Variants in SAMSN1 observed in about 807,000 individuals in gnomAD.
SAMSN1 encodes the protein SAM domain, SH3 domain and nuclear localization signals 1, also known as SAM domain-containing protein SAMSN-1.
Under a neutral mutation model 42.0 loss-of-function variants are expected in SAMSN1, and 31 were observed. The ratio of observed to expected loss-of-function variants is 0.74; its 90% CI spans 0.55 to 1.00. The LOEUF (loss-of-function observed/expected upper bound fraction) is 1.00, where lower values mean the gene tolerates loss of function less well. Among genes scored for constraint, SAMSN1 ranks in the 50% least tolerant of loss-of-function variants. The probability of loss-of-function intolerance (pLI) is 0.00; values close to 1 mark genes in which losing one functional copy is unlikely to be tolerated. For missense variants in SAMSN1, 464 were observed against 439.4 expected (o/e 1.06, Z -0.50); for synonymous variants, 178 against 151.9 (o/e 1.17, Z -1.26).
chr21:14,555,133 C>T (rs1166091337), intron 2 of SAMSN1, among the ~76,000 whole-genome samples: 1 of 152,188 alleles, frequency 6.6e-6, no homozygotes, highest in African/African-American at 2.4e-5. Context: ...TCCTTGCTGC[C>T]TTCAAAGGCT....
chr21:14,587,088 G>C (rs73348050), upstream of SAMSN1, among the ~76,000 whole-genome samples: 21,663 of 152,088 alleles, frequency 0.14, 2,052 homozygotes, highest in African/African-American at 0.27. Flanking sequence ...TTACAGTTTT[G>C]TTCTTCTCTC....
chr21:14,620,646 A>G (rs373566598), intron 2 of SAMSN1, among the ~76,000 whole-genome samples: 1 of 152,172 alleles, frequency 6.6e-6, no homozygotes, highest in Non-Finnish European at 1.5e-5. Context: ...CTTTCTTTCA[A>G]TTATCTATCA....
chr21:14,527,213 A>C (rs1341707131), intron 1 of SAMSN1, among the ~76,000 whole-genome samples: 1 of 152,232 alleles, frequency 6.6e-6, no homozygotes, highest in Admixed American at 6.5e-5. Flanking sequence ...ATATTCTACT[A>C]TAATAAAAGC....
chr21:14,550,336 C>T (rs563917870), upstream of SAMSN1, among the ~76,000 whole-genome samples: 74 of 152,224 alleles, frequency 4.9e-4, 1 homozygote, highest in South Asian at 6.2e-4. Flanking sequence ...GAAATCCCTT[C>T]TAATGTGTTA....
chr21:14,509,897 T>C (rs899212788), intron 5 of SAMSN1, among the ~76,000 whole-genome samples: 1 of 152,046 alleles, frequency 6.6e-6, no homozygotes, highest in Non-Finnish European at 1.5e-5. Flanking sequence ...CCCAGCACTT[T>C]GGGAGGCCGA....
intron 1 of SAMSN1, among the ~76,000 whole-genome samples, chr21:14,529,118 C>T (rs575687693): frequency 6.6e-6 from 1 of 152,330 alleles, no homozygotes; most frequent in Admixed American, 6.5e-5. Context: ...TTGCTGGCCA[C>T]TGTGGACGAA....
chr21:14,549,763 A>G (rs1451521394), upstream of SAMSN1, among the ~76,000 whole-genome samples: 1 of 152,134 alleles, frequency 6.6e-6, no homozygotes, highest in Non-Finnish European at 1.5e-5. Flanking sequence ...AAAGGAGTCA[A>G]TCATAAAAGT....
At chr21:14,521,900 T>TA (rs35197722) in intron 1 of SAMSN1, among the ~76,000 whole-genome samples, 41,619 of 145,812 alleles carry the variant, frequency 0.29, 6,284 homozygotes, top group Non-Finnish European at 0.35. Flanking sequence ...CAAGTTTGTT[T>TA]AAAAAAAAAA....
chr21:14,597,049 T>C (rs181471770), intron 6 of SAMSN1, among the ~76,000 whole-genome samples: 1 of 152,332 alleles, frequency 6.6e-6, no homozygotes, highest in Admixed American at 6.5e-5. Flanking sequence ...AATATCATTA[T>C]TTTGTCATAA....
chr21:14,525,109 T>A (rs995762945), intron 1 of SAMSN1, among the ~76,000 whole-genome samples: 3 of 152,208 alleles, frequency 2.0e-5, no homozygotes, highest in African/African-American at 7.2e-5. Context: ...TTAAAAATGA[T>A]GAAATAATAA....
rs1292660147 is a variant in SAMSN1 at position 14,500,621 on chromosome 21, C to T, written c.676G>A (p.Glu226Lys). ...FIYVDVISEEEAAPKKIKANR... is the reference protein window; with the variant it reads ...FIYVDVISEEKAAPKKIKANR... The stretch of plus-strand genomic sequence containing the variant: ...GCCTTTATTTTCTTGGGGGCTGCTT[C>T]CTCTTCTGAGATGACATCCACATAA... The change falls in exon 6 of 8, where the codon GAA becomes AAA. Residue 226 changes from glutamate to lysine, a missense_variant. By Grantham distance (56) the Glu-to-Lys change is moderately conservative (BLOSUM62 1). Transcript: ENST00000400566. 9 of 1,614,100 alleles carry T rather than the reference C, an allele frequency of 5.6e-6. No homozygotes were observed. The highest frequency in any genetic ancestry group is 7.6e-6 in the Non-Finnish European group (9 of 1,179,982).
intron 1 of SAMSN1, among the ~76,000 whole-genome samples, chr21:14,656,380 A>G (rs1164176875): frequency 2.0e-5 from 3 of 151,860 alleles, no homozygotes; most frequent in African/African-American, 7.2e-5. Flanking sequence ...ATGGGAAAGA[A>G]TAAAGAATCC....
At chr21:14,643,487 G>A (rs1000710097) in intron 1 of SAMSN1, among the ~76,000 whole-genome samples, 2 of 152,110 alleles carry the variant, frequency 1.3e-5, no homozygotes, top group Non-Finnish European at 2.9e-5. Context: ...AACTGTGTTG[G>A]TTACAGATTT....
chr21:14,633,347 T>A (rs1399883683), intron 2 of SAMSN1, among the ~76,000 whole-genome samples: 1 of 152,210 alleles, frequency 6.6e-6, no homozygotes, highest in African/African-American at 2.4e-5. Context: ...GAGTTTAATG[T>A]TGGACAACGC....
At chr21:14,608,153 A>T (rs1041538920) in intron 5 of SAMSN1, among the ~76,000 whole-genome samples, 2 of 152,224 alleles carry the variant, frequency 1.3e-5, no homozygotes, top group African/African-American at 4.8e-5. Context: ...ACTAAAAATG[A>T]GGTGAGTGAT....
chr21:14,607,715 C>T (rs1024019938), intron 5 of SAMSN1, among the ~76,000 whole-genome samples: 3 of 152,048 alleles, frequency 2.0e-5, no homozygotes, highest in Non-Finnish European at 2.9e-5. Flanking sequence ...AATAGAATTC[C>T]GTGCCTATTA....
intron 4 of SAMSN1, among the ~76,000 whole-genome samples, chr21:14,611,328 A>G (rs1252763658): frequency 6.6e-6 from 1 of 152,238 alleles, no homozygotes; most frequent in African/African-American, 2.4e-5. Flanking sequence ...GAAGAAATGA[A>G]TTGCACCAAA....
At chr21:14,597,993 CT>C (rs1982320438) in intron 6 of SAMSN1, 1 of 152,140 alleles carries the variant, frequency 6.6e-6, no homozygotes, top group African/African-American at 2.4e-5. Context: ...ATGGCCACCC[CT>C]AACTACTGGG....
At chr21:14,650,954 A>G (rs1982170574) in intron 1 of SAMSN1, among the ~76,000 whole-genome samples, 1 of 152,024 alleles carries the variant, frequency 6.6e-6, no homozygotes, top group South Asian at 2.1e-4. Flanking sequence ...CTAGATGCAT[A>G]CAACCTACCA....
Sources: allele counts gnomAD v4.1 joint callset (sites outside exome capture counted in the v4.1 genomes callset), GRCh38; gene constraint gnomAD v4.1.1; transcripts MANE v1.5; gene names NCBI Gene and HGNC (gene_info 2026-07-23, HGNC 2026-07-21).